Variants in NAALADL2 observed in about 807,000 individuals in gnomAD.
NAALADL2 encodes N-acetylated alpha-linked acidic dipeptidase like 2.
A neutral mutation model predicts 87.2 loss-of-function variants in NAALADL2; 76 were observed. That is an observed-to-expected ratio of 0.87 (90% CI 0.72 to 1.05). NAALADL2 has a LOEUF of 1.05. NAALADL2 is among the 50% of genes least tolerant of loss of function. NAALADL2 has a pLI of 0.00. For missense variants in NAALADL2, 1,089 were observed against 945.8 expected (o/e 1.15, Z -1.99); for synonymous variants, 354 against 331.0 (o/e 1.07, Z -0.75).
At chr3:174,456,774 C>G (rs534345267) in intron 1 of NAALADL2, among the ~76,000 whole-genome samples, 1 of 152,106 alleles carries the variant, frequency 6.6e-6, no homozygotes, top group South Asian at 2.1e-4. Flanking sequence ...CCCTGGAACA[C>G]AACCTAGGCA....
At position 174,686,800 on chromosome 3, in the gene NAALADL2, A is replaced by T. The variant is rs368624136; in HGVS notation, c.-114-50841A>T. Among the ~76,000 whole-genome samples, 12 of 152,244 alleles carry T rather than the reference A, an allele frequency of 7.9e-5. 1 individual carries two copies. The East Asian group carries it at 1.2e-3, about 15-fold the overall frequency. On this transcript the variant is annotated intron_variant, in intron 2 of 3. Coordinates refer to the NAALADL2 transcript ENST00000434257. ...ATGTGCCAGAATCAACTCAAGATGG[A>T]TTAAAGACTTAATTATAAAAATTAT...
chr3:175,372,202 T>C lies in NAALADL2; in HGVS notation c.1090+47877T>C, dbSNP rs369102024. On this transcript the variant is annotated intron_variant, in intron 5 of 13. Coordinates refer to ENST00000454872, the MANE Select transcript of NAALADL2 (RefSeq NM_207015.3). ...GTACAGGAGTCGCTATGTTTTTAGC[T>C]AGCCCATTCAGTTTTTGTAAAGCTC... Among the ~76,000 whole-genome samples, 42 of 152,288 alleles carry C rather than the reference T, an allele frequency of 2.8e-4. 1 individual carries two copies. The highest frequency in any genetic ancestry group is 3.4e-3 in the Middle Eastern group (1 of 294).
intron 2 of NAALADL2, among the ~76,000 whole-genome samples, chr3:175,204,990 T>A (rs1271259412): frequency 6.6e-6 from 1 of 152,096 alleles, no homozygotes; most frequent in Non-Finnish European, 1.5e-5. Flanking sequence ...CCCATGCTCA[T>A]AGATGGAGAA....
intron 5 of NAALADL2, among the ~76,000 whole-genome samples, chr3:175,371,598 G>T (rs1766512003): frequency 6.6e-6 from 1 of 152,084 alleles, no homozygotes; most frequent in Non-Finnish European, 1.5e-5. Flanking sequence ...GCCAAGGCGG[G>T]TGGATCACCT....
At chr3:174,618,001 T>A (rs774683751) in intron 2 of NAALADL2, among the ~76,000 whole-genome samples, 2 of 151,738 alleles carry the variant, frequency 1.3e-5, no homozygotes, top group Non-Finnish European at 3.0e-5. Context: ...CATCTTAAAT[T>A]GTAGAAGGAA....
chr3:175,384,593 T>A (rs1308677853), intron 5 of NAALADL2, among the ~76,000 whole-genome samples: 2 of 151,934 alleles, frequency 1.3e-5, no homozygotes, highest in Admixed American at 1.3e-4. Flanking sequence ...TTTAAATGCA[T>A]GCACCTCCTT....
chr3:174,802,617 T>C (rs1245042266), intron 3 of NAALADL2, among the ~76,000 whole-genome samples: 1 of 152,220 alleles, frequency 6.6e-6, no homozygotes, highest in Non-Finnish European at 1.5e-5. Flanking sequence ...TTTCTCCTTA[T>C]GCTATCCCTT....
intron 11 of NAALADL2, chr3:175,718,707 C>A (rs185600043): frequency 5.4e-6 from 8 of 1,468,324 alleles, no homozygotes; most frequent in African/African-American, 1.4e-5. Flanking sequence ...TGGAAGATCA[C>A]TTGAGGCGTG....
intron 12 of NAALADL2, among the ~76,000 whole-genome samples, chr3:175,748,210 A>G (rs1419060157): frequency 6.6e-6 from 1 of 152,056 alleles, no homozygotes; most frequent in Non-Finnish European, 1.5e-5. Flanking sequence ...TCGCTCTCAC[A>G]TTTTTTCACT....
intron 2 of NAALADL2, among the ~76,000 whole-genome samples, chr3:174,689,620 G>A (rs755964837): frequency 3.9e-5 from 6 of 152,076 alleles, no homozygotes; most frequent in South Asian, 2.1e-4. Context: ...TATAGTTTGC[G>A]AAGGGCTCTT....
chr3:175,107,746 A>T lies in NAALADL2; in HGVS notation c.545+10455A>T, dbSNP rs1723458183. Among the ~76,000 whole-genome samples, 4 of 149,384 alleles carry T rather than the reference A, an allele frequency of 2.7e-5. No homozygotes were observed. The South Asian group carries it at 8.4e-4, about 31-fold the overall frequency. Reference sequence around the variant, plus strand: ...CAATGTTCATTATTATATTTATTTCATTAAAAAATTTCAGATTTTTTTTAA... The same window carrying T: ...CAATGTTCATTATTATATTTATTTCTTTAAAAAATTTCAGATTTTTTTTAA... On this transcript the variant is annotated intron_variant, in intron 2 of 13. Transcript: ENST00000454872.
intron 11 of NAALADL2, among the ~76,000 whole-genome samples, chr3:175,709,892 G>C (rs1363358376): frequency 2.0e-5 from 3 of 152,106 alleles, no homozygotes; most frequent in Non-Finnish European, 4.4e-5. Context: ...GATGTCTGTA[G>C]TGAGGTTGGA....
At chr3:174,830,877 T>C (rs1429457393) in intron 3 of NAALADL2, among the ~76,000 whole-genome samples, 4 of 151,884 alleles carry the variant, frequency 2.6e-5, no homozygotes, top group Admixed American at 1.3e-4. Context: ...CAATTGTGAA[T>C]GGGAGTTCAC....
chr3:174,482,132 G>A (rs1367405691), intron 1 of NAALADL2, among the ~76,000 whole-genome samples: 1 of 152,092 alleles, frequency 6.6e-6, no homozygotes, highest in Non-Finnish European at 1.5e-5. Flanking sequence ...ACCTAATGCA[G>A]TTCTTATTCT....
intron 11 of NAALADL2, among the ~76,000 whole-genome samples, chr3:175,723,805 A>C (rs2150041778): frequency 6.6e-6 from 1 of 152,168 alleles, no homozygotes; most frequent in East Asian, 1.9e-4. Flanking sequence ...ACTTAGTGTT[A>C]GGATCAGAAT....
At chr3:175,280,036 A>T (rs1206133058) in intron 4 of NAALADL2, among the ~76,000 whole-genome samples, 1 of 143,408 alleles carries the variant, frequency 7.0e-6, no homozygotes, top group African/African-American at 3.0e-5. Flanking sequence ...TCCACTTTAA[A>T]AAAAAAAACA....
chr3:175,255,282 C>T (rs1018184614), intron 3 of NAALADL2, among the ~76,000 whole-genome samples: 1 of 152,170 alleles, frequency 6.6e-6, no homozygotes, highest in African/African-American at 2.4e-5. Context: ...AACAGATTTA[C>T]AGATCTCTTG....
intron 1 of NAALADL2, among the ~76,000 whole-genome samples, chr3:174,959,350 A>T (rs1741641843): frequency 6.6e-6 from 1 of 152,000 alleles, no homozygotes; most frequent in South Asian, 2.1e-4. Flanking sequence ...ATAGACCCTA[A>T]TCTTGGAGAT....
chr3:174,788,756 T>C (rs1160709245), intron 3 of NAALADL2, among the ~76,000 whole-genome samples: 2 of 152,130 alleles, frequency 1.3e-5, no homozygotes, highest in African/African-American at 4.8e-5. Context: ...GCTTACATTT[T>C]CAGGTTCACC....
Sources: allele counts gnomAD v4.1 joint callset (sites outside exome capture counted in the v4.1 genomes callset), GRCh38; gene constraint gnomAD v4.1.1; transcripts MANE v1.5; gene names NCBI Gene and HGNC (gene_info 2026-07-23, HGNC 2026-07-21).